Variants in NMT1 observed in about 807,000 individuals in gnomAD.
NMT1 encodes N-myristoyltransferase 1, also known as glycylpeptide N-tetradecanoyltransferase 1.
In NMT1, 12 loss-of-function variants were observed where a neutral mutation model predicts 63.4. The ratio of observed to expected loss-of-function variants is 0.19; its 90% CI spans 0.12 to 0.31. NMT1 has a LOEUF of 0.31. NMT1 is among the 10% of genes least tolerant of loss of function. The probability of loss-of-function intolerance (pLI) is 1.00; values close to 1 mark genes in which losing one functional copy is unlikely to be tolerated. For missense variants in NMT1, 432 were observed against 634.6 expected, an observed-to-expected ratio of 0.68 and a Z score of 3.43; for synonymous variants, 228 against 234.3, an observed-to-expected ratio of 0.97 and a Z score of 0.25.
intron 1 of NMT1, among the ~76,000 whole-genome samples, chr17:45,077,017 G>A (rs1598006797): frequency 6.6e-6 from 1 of 152,200 alleles, no homozygotes; most frequent in African/African-American, 2.4e-5. Flanking sequence ...CTACATGGAA[G>A]TATCTCCGCT....
At chr17:45,094,637 C>T (rs2054111982) in intron 4 of NMT1, among the ~76,000 whole-genome samples, 1 of 150,906 alleles carries the variant, frequency 6.6e-6, no homozygotes, top group Non-Finnish European at 1.5e-5. Context: ...GCCTCAGCCT[C>T]CCGAGTAGCT....
chr17:45,081,504 T>TGGACCTGG lies in NMT1; in HGVS notation c.132-138_132-131dup, dbSNP rs2054017015. On this transcript the variant is annotated intron_variant, in intron 1 of 11. Transcript: ENST00000258960. Reference sequence around the variant, plus strand: ...GCTGGTGTCCTCCAAATGCCCTTTCTGGACCTGGGTTCTTCAGCCTGCTTC... The same window carrying TGGACCTGG: ...GCTGGTGTCCTCCAAATGCCCTTTCTGGACCTGGGGACCTGGGTTCTTCAGCCTGCTTC... The TGGACCTGG allele has an allele frequency of 8.2e-6, 6 of 733,250 alleles. No individual in the cohort carries two copies. The Admixed American group carries it at 1.4e-4, about 18-fold the overall frequency. The allele number at this position is 733,250 out of a possible 1,614,324, so 45.4% of individuals were successfully genotyped here.
Position 45,106,116 on chromosome 17 carries a change from GT to G in NMT1, c.*480del, listed in dbSNP as rs1196289397. 1 of 152,454 alleles carries G rather than the reference GT, an allele frequency of 6.6e-6. No individual in the cohort carries two copies. The highest frequency in any genetic ancestry group is 2.4e-5 in the African/African-American group (1 of 41,422). The allele number at this position is 152,454 out of a possible 1,614,324, so 9.4% of individuals were successfully genotyped here. A position where few individuals can be genotyped will look rare whatever the true frequency, so the allele number is the denominator to read the frequency against. ...GACAGACGCGTTGGCACAGTTCATG[GT>G]TTCCTCCAGAGGAGACATTGGCTTA... On this transcript the variant is annotated 3_prime_UTR_variant, in exon 12 of 12. Transcript: ENST00000258960.
chr17:45,086,798 TAA>T, intron 3 of NMT1, 146 bp downstream of exon 3: 1 of 749,144 alleles, frequency 1.3e-6, no homozygotes, highest in Admixed American at 3.3e-5. Context: ...GGGTGGTTTT[TAA>T]AAATGCAGCA....
intron 1 of NMT1, among the ~76,000 whole-genome samples, chr17:45,070,380 A>G (rs2053932327): frequency 6.6e-6 from 1 of 151,880 alleles, no homozygotes; most frequent in East Asian, 1.9e-4. Flanking sequence ...CCTCTCAAGT[A>G]GCTGGGATTA....
At chr17:45,084,171 A>T (rs1249531354) in intron 2 of NMT1, among the ~76,000 whole-genome samples, 1 of 152,192 alleles carries the variant, frequency 6.6e-6, no homozygotes, top group Non-Finnish European at 1.5e-5. Flanking sequence ...CTGGGAAAAT[A>T]TTTGCAACAT....
chr17:45,091,040 G>A (rs1475638139), intron 3 of NMT1, among the ~76,000 whole-genome samples: 1 of 152,104 alleles, frequency 6.6e-6, no homozygotes, highest in African/African-American at 2.4e-5. Context: ...TGGGAGTCTA[G>A]TAAAAGTGGC....
At chr17:45,084,856 T>C (rs554922486) in intron 2 of NMT1, among the ~76,000 whole-genome samples, 24 of 152,270 alleles carry the variant, frequency 1.6e-4, no homozygotes, top group African/African-American at 5.8e-4. Context: ...AGAGAGCAAA[T>C]TGATGATAAA....
chr17:45,093,662 TCA>T, intron 3 of NMT1, 21 bp from the exon 4 acceptor site: 2 of 1,606,868 alleles, frequency 1.2e-6, no homozygotes, highest in Non-Finnish European at 1.7e-6. Flanking sequence ...AGGGTGAGGC[TCA>T]CAGCTGTGCT....
chr17:45,075,069 A>T (rs990615269), intron 1 of NMT1, among the ~76,000 whole-genome samples: 2 of 152,148 alleles, frequency 1.3e-5, no homozygotes, highest in Non-Finnish European at 2.9e-5. Flanking sequence ...CCAATTACTC[A>T]GGATGCTGAA....
Position 45,078,242 on chromosome 17 carries a change from TG to T in NMT1, c.132-3395del, listed in dbSNP as rs79757013. 2.5e-3 allele frequency among the ~76,000 whole-genome samples: 382 copies of T among 152,232 alleles called. 8 individuals carry two copies. The East Asian group carries it at 0.056, about 22-fold the overall frequency. ...CGCTGTTACTCTAGGATTTCAAGCA[TG>T]GGGGGGACACATGGAAAGCCATTTT... On this transcript the variant is annotated intron_variant, in intron 1 of 11. Transcript: ENST00000258960.
chr17:45,080,869 C>T (rs1269959469), intron 1 of NMT1, among the ~76,000 whole-genome samples: 1 of 152,134 alleles, frequency 6.6e-6, no homozygotes, highest in Non-Finnish European at 1.5e-5. Context: ...CGGGTTCAAG[C>T]AGTTCTCCTG....
rs561152697 is a variant in NMT1 at position 45,104,610 on chromosome 17, G to T, written c.1333-249G>T. Reference sequence around the variant, plus strand: ...CATAACCAGGAATAGCAAGAGCCCCGGCCTGGACACTGAGTACATATGTGT... The same window carrying T: ...CATAACCAGGAATAGCAAGAGCCCCTGCCTGGACACTGAGTACATATGTGT... On this transcript the variant is annotated intron_variant, in intron 10 of 11. Transcript: ENST00000258960. The surrounding 1 kb of genome is among the most constrained non-coding windows in gnomAD (Gnocchi z 4.2). The T allele has an allele frequency of 2.3e-6, 3 of 1,295,002 alleles. No homozygotes were observed. The highest frequency in any genetic ancestry group is 4.4e-5 in the South Asian group (2 of 45,290). The allele number at this position is 1,295,002 out of a possible 1,614,324, so 80.2% of individuals were successfully genotyped here. A position where few individuals can be genotyped will look rare whatever the true frequency, so the allele number is the denominator to read the frequency against.
chr17:45,099,747 C>A, intron 8 of NMT1: 1 of 534,204 alleles, frequency 1.9e-6, no homozygotes, highest in Non-Finnish European at 3.4e-6. Flanking sequence ...GCTTCTCTGC[C>A]ATCTGTTGAA....
intron 1 of NMT1, among the ~76,000 whole-genome samples, chr17:45,079,104 CTTT>C (rs1304798144): frequency 7.0e-6 from 1 of 142,510 alleles, no homozygotes; most frequent in African/African-American, 2.5e-5. Flanking sequence ...TTTTCTTTTT[CTTT>C]TTTTTTTTTT....
chr17:45,064,764 A>C (rs1052579733), intron 1 of NMT1, among the ~76,000 whole-genome samples: 4 of 152,194 alleles, frequency 2.6e-5, no homozygotes, highest in Admixed American at 2.0e-4. Context: ...CAGAGGTTGC[A>C]CTGAGCTGAG....
rs773804544 is a variant in NMT1 at position 45,098,517 on chromosome 17, C to A, written c.849C>A (p.Ala283=). ...GCATCTTCCAAGCAGTTTACACTGC[C>A]GGGGTGGTACTACCAAAGCCCGTTG... ...LEGIFQAVYT[A]GVVLPKPVGT... is the part of the protein sequence containing the mutation. Residue 283 remains alanine, a synonymous_variant, in exon 7 of 12, where the codon GCC becomes GCA. Coordinates refer to ENST00000258960, the MANE Select transcript of NMT1 (RefSeq NM_021079.5). The A allele has an allele frequency of 6.2e-7, 1 of 1,614,132 alleles. No homozygotes were observed. The highest frequency in any genetic ancestry group is 8.5e-7 in the Non-Finnish European group (1 of 1,180,014).
At chr17:45,097,272 C>T (rs756395370) in intron 6 of NMT1, 28 bp downstream of exon 6, 1 of 1,492,408 alleles carries the variant, frequency 6.7e-7, no homozygotes, top group Admixed American at 1.7e-5. Flanking sequence ...CCCCCACCCC[C>T]CACAACACCG....
Position 45,103,168 on chromosome 17 carries a change from G to C in NMT1, c.1164+47G>C. The C allele has an allele frequency of 1.9e-6, 3 of 1,567,206 alleles. No homozygotes were observed. Among genetic ancestry groups the C allele is most frequent in the Non-Finnish European group, 2.6e-6 (3 of 1,146,266 alleles). On this transcript the variant is annotated intron_variant, in intron 9 of 11. Coordinates refer to ENST00000258960, the MANE Select transcript of NMT1 (RefSeq NM_021079.5). This position sits in a 1 kb window ranked among gnomAD's most constrained non-coding sequence, Gnocchi z 4.8. The stretch of plus-strand genomic sequence containing the variant: ...CAGGTCTCTAACACGTTCCCAGAGA[G>C]GCACCCCCCTGAGTGGCCGGGTTCC...
Sources: allele counts gnomAD v4.1 joint callset (sites outside exome capture counted in the v4.1 genomes callset), GRCh38; gene constraint gnomAD v4.1.1; non-coding constraint Gnocchi (gnomAD v3.1); transcripts MANE v1.5; gene names NCBI Gene and HGNC (gene_info 2026-07-23, HGNC 2026-07-21).